Variants in SPTBN5 observed in about 807,000 individuals in gnomAD.
The protein encoded by SPTBN5 is spectrin beta chain, non-erythrocytic 5.
A neutral mutation model predicts 477.6 loss-of-function variants in SPTBN5; 513 were observed. The ratio of observed to expected loss-of-function variants is 1.07; its 90% confidence interval spans 1.00 to 1.16. The LOEUF (loss-of-function observed/expected upper bound fraction) is 1.16. Among genes scored for constraint, SPTBN5 ranks in the 50% most tolerant of loss-of-function variants. The probability of loss-of-function intolerance (pLI) is 0.00; values close to 1 mark genes in which losing one functional copy is unlikely to be tolerated. For synonymous variants in SPTBN5, 2,169 were observed against 2,011.7 expected (o/e 1.08, Z -2.09); for missense variants, 5,062 against 4,731.8 (o/e 1.07, Z -2.05).
Position 41,853,348 on chromosome 15 carries a change from C to A in SPTBN5, c.10080G>T (p.Gly3360=), listed in dbSNP as rs1178707117. Residue 3360 remains glycine, a synonymous_variant, in exon 59 of 68, where the codon GGG becomes GGT. Transcript: ENST00000320955. ...GAAGGCGGCACTCCCTGATTTCTTGCCCCAGCTCTTCATGCTGCCCAAGGA... is the reference window on the plus strand; with the variant it reads ...GAAGGCGGCACTCCCTGATTTCTTGACCCAGCTCTTCATGCTGCCCAAGGA... ...EQLLGQHEEL[G]QEIRECRLQA... 1 of 1,612,790 alleles carries A rather than the reference C, an allele frequency of 6.2e-7. No homozygotes were observed. The highest frequency in any genetic ancestry group is 1.1e-5 in the South Asian group (1 of 91,064).
intron 23 of SPTBN5, 120 bp from the exon 24 acceptor site, chr15:41,874,598 CA>C: frequency 1.0e-6 from 1 of 972,552 alleles, no homozygotes; most frequent in Non-Finnish European, 1.5e-6. Flanking sequence ...AGCAAAGCCT[CA>C]TCTGACAAAG....
At position 41,862,838 on chromosome 15, in the gene SPTBN5, T is replaced by C. The variant is rs1446453160; in HGVS notation, c.7215A>G (p.Lys2405=). 1.3e-6 allele frequency: 2 copies of C among 1,589,886 alleles called. No individual in the cohort carries two copies. Among genetic ancestry groups the C allele is most frequent in the African/African-American group, 2.7e-5 (2 of 74,396 alleles). ...GCACTTCCCGCTCCAGCTCCTCGTG[T>C]TTCCGCAGCAGCCTCTGCACGCTCT... ...DLESVQRLLR[K]HEELEREVHP... Residue 2405 remains lysine, a synonymous_variant, in exon 42 of 68, where the codon AAA becomes AAG. Transcript: ENST00000320955.
Position 41,863,741 on chromosome 15 carries a change from C to T in SPTBN5, c.7112G>A (p.Arg2371Gln), listed in dbSNP as rs753634857. ...CCTCTTGGTGACATTGTCCAGCTCT[C>T]GGGACAACACGTGTATCTCCAAGGC... Reference protein sequence around the residue: ...EGALEIHVLSRELDNVTKRIQ... With the variant: ...EGALEIHVLSQELDNVTKRIQ... Residue 2371 changes from arginine to glutamine, a missense_variant, in exon 41 of 68, where the codon CGA becomes CAA. Transcript: ENST00000320955. 15 of 1,613,558 alleles carry T rather than the reference C, an allele frequency of 9.3e-6. No homozygotes were observed. Among genetic ancestry groups the T allele is most frequent in the Admixed American group, 1.7e-5 (1 of 60,008 alleles).
At position 41,850,956 on chromosome 15, in the gene SPTBN5, C is replaced by G; in HGVS notation, c.10836-17G>C. On this transcript the variant is annotated splice_polypyrimidine_tract_variant and intron_variant, in intron 65 of 67. Coordinates refer to ENST00000320955, the MANE Select transcript of SPTBN5 (RefSeq NM_016642.4). ...CTGGTCAGCCTGGCACCCACAGTCA[C>G]AGGTCAAACTCCACTGTCCCTTTGG... 1 of 1,596,308 alleles carries G rather than the reference C, an allele frequency of 6.3e-7. No homozygotes were observed.
chr15:41,881,315 C>A, intron 12 of SPTBN5, 81 bp from the exon 13 acceptor site: 1 of 1,191,378 alleles, frequency 8.4e-7, no homozygotes, highest in Admixed American at 2.4e-5. Context: ...TACCTCCGTG[C>A]CCTGAGACCT....
Position 41,854,877 on chromosome 15 carries a change from C to G in SPTBN5, c.9523G>C (p.Gly3175Arg), listed in dbSNP as rs2065887054. The part of the protein sequence containing the change: ...LRKLAGTLER[G>R]APRRYPHIQA... The stretch of plus-strand genomic sequence containing the variant: ...ATGTGGGGATAGCGCCTGGGTGCAC[C>G]CCGCTCCAGGGTGCCTGCCAACTTC... Residue 3175 changes from glycine (G) to arginine (R), a missense_variant, in exon 56 of 68, where the codon GGT (glycine) becomes CGT (arginine). Coordinates refer to ENST00000320955, the MANE Select transcript of SPTBN5 (RefSeq NM_016642.4). 5 of 1,609,592 alleles carry G rather than the reference C, an allele frequency of 3.1e-6. No homozygotes were observed. Among genetic ancestry groups the G allele is most frequent in the Non-Finnish European group, 4.2e-6 (5 of 1,177,836 alleles).
At position 41,877,275 on chromosome 15, in the gene SPTBN5, C is replaced by A. The variant is rs373991113; in HGVS notation, c.3552G>T (p.Arg1184Ser). ...GCTCCTGGCCCTGCTGCCCCAGGAC[C>A]CTCAGAGTGTTGGGCACCTCTTGGG... ...PDSQEVPNTL[R>S]VLGQQGQELK... The change falls in exon 18 of 68, where the codon AGG becomes AGT. Residue 1184 changes from arginine (R) to serine (S), a missense_variant. Transcript: ENST00000320955. The A allele has an allele frequency of 3.7e-6, 6 of 1,613,824 alleles. No homozygotes were observed. Among genetic ancestry groups the A allele is most frequent in the Non-Finnish European group, 5.1e-6 (6 of 1,179,844 alleles).
intron 55 of SPTBN5, 72 bp from the exon 56 acceptor site, chr15:41,855,048 A>C: frequency 2.0e-6 from 3 of 1,476,108 alleles, no homozygotes; most frequent in South Asian, 1.4e-5. Flanking sequence ...TGAAGAGCTC[A>C]GCAGACTCTG....
chr15:41,851,674 C>G (rs909719493), intron 63 of SPTBN5, 105 bp downstream of exon 63: 2 of 861,012 alleles, frequency 2.3e-6, no homozygotes, highest in Admixed American at 4.5e-5. Context: ...GTGGCATCTG[C>G]CCAAGTTCAC....
Position 41,855,620 on chromosome 15 carries a change from T to A in SPTBN5, c.9147A>T (p.Glu3049Asp). 6.2e-7 allele frequency: 1 copy of A among 1,611,098 alleles called. No individual in the cohort carries two copies. Among genetic ancestry groups the A allele is most frequent in the Non-Finnish European group, 8.5e-7 (1 of 1,179,678 alleles). The change falls in exon 54 of 68, where the codon GAA becomes GAT. Residue 3049 changes from glutamate (E) to aspartate (D), a missense_variant. Coordinates refer to ENST00000320955, the MANE Select transcript of SPTBN5 (RefSeq NM_016642.4). Reference sequence around the variant, plus strand: ...GCCGCTCGATGCGTGGGCTGAACGCTTCCAGGTCTCTCTTGGTGGCCTCCA... The same window carrying A: ...GCCGCTCGATGCGTGGGCTGAACGCATCCAGGTCTCTCTTGGTGGCCTCCA... ...RRLEATKRDL[E>D]AFSPRIERLQ...
Position 41,866,842 on chromosome 15 carries a change from G to A in SPTBN5, c.6480+117C>T, listed in dbSNP as rs531826390. 18 of 1,318,758 alleles carry A rather than the reference G, an allele frequency of 1.4e-5. No individual in the cohort carries two copies. The South Asian group carries it at 2.7e-4, about 20-fold the overall frequency. 81.7% of individuals were successfully genotyped at this position (1,318,758 alleles called of 1,614,324 possible). On this transcript the variant is annotated intron_variant, in intron 36 of 67. Transcript: ENST00000320955. ...TGTTCTGGGCTCCAGCACAGCCTCT[G>A]GGAAAGCCATCCACCCCCGAACCTG...
intron 64 of SPTBN5, 24 bp from the exon 65 acceptor site, chr15:41,851,174 G>T (rs546099893): frequency 1.1e-5 from 18 of 1,606,962 alleles, no homozygotes; most frequent in East Asian, 4.5e-5. Context: ...AGAGGCAGGG[G>T]TCACTGCGGC....
chr15:41,884,436 C>G (rs927642474), intron 7 of SPTBN5, among the ~76,000 whole-genome samples: 2 of 152,118 alleles, frequency 1.3e-5, no homozygotes, highest in Non-Finnish European at 2.9e-5. Context: ...CTTGATAACT[C>G]ACTTTCTCAC....
intron 32 of SPTBN5, 82 bp downstream of exon 32, chr15:41,869,759 A>C: frequency 7.6e-7 from 1 of 1,318,796 alleles, no homozygotes. Context: ...CCGGAGCTGG[A>C]GGGCCTCATG....
chr15:41,861,478 C>T lies in SPTBN5; in HGVS notation c.7756G>A (p.Glu2586Lys). 2 of 1,613,594 alleles carry T rather than the reference C, an allele frequency of 1.2e-6. No homozygotes were observed. The highest frequency in any genetic ancestry group is 1.7e-6 in the Non-Finnish European group (2 of 1,179,888). ...CTGCAAAGCCAACGTTCCATCTTCTCCACTGAGCTCAGAAACAGCTGAGAA... is the reference window on the plus strand; with the variant it reads ...CTGCAAAGCCAACGTTCCATCTTCTTCACTGAGCTCAGAAACAGCTGAGAA... ...LELQLFLSSV[E>K]KMERWLCSKE... The change falls in exon 46 of 68, where the codon GAG becomes AAG. Residue 2586 changes from glutamate to lysine, a missense_variant. Physicochemically the swap from Glu to Lys is moderately conservative, Grantham distance 56. Transcript: ENST00000320955.
At position 41,866,427 on chromosome 15, in the gene SPTBN5, C is replaced by G; in HGVS notation, c.6547G>C (p.Asp2183His). ...TGTTTCAGCAGGGGCTTCAGCTTATCTCTCAGGTCCCCAGGAGGGACCGGC... is the reference window on the plus strand; with the variant it reads ...TGTTTCAGCAGGGGCTTCAGCTTATGTCTCAGGTCCCCAGGAGGGACCGGC... ...KEPVPPGDLR[D>H]KLKPLLKHQA... The change falls in exon 37 of 68, where the codon GAT (aspartate) becomes CAT (histidine). Residue 2183 changes from aspartate (D) to histidine (H), a missense_variant. Transcript: ENST00000320955. 6.2e-7 allele frequency: 1 copy of G among 1,611,138 alleles called. No homozygotes were observed. Among genetic ancestry groups the G allele is most frequent in the Non-Finnish European group, 8.5e-7 (1 of 1,178,642 alleles).
Position 41,866,995 on chromosome 15 carries a change from G to C in SPTBN5, c.6444C>G (p.Ser2148=). 6.4e-7 allele frequency: 1 copy of C among 1,569,838 alleles called. No homozygotes were observed. Among genetic ancestry groups the C allele is most frequent in the Non-Finnish European group, 8.6e-7 (1 of 1,157,854 alleles). Residue 2148 remains serine (S), a synonymous_variant, in exon 36 of 68, where the codon TCC becomes TCG. Transcript: ENST00000320955. The part of the protein sequence containing the change: ...AESRGHALHA[S]LLMASFTQAA... ...CCTGGGTGAAGCTGGCCATCAGCAGGGAGGCATGCAGGGCGTGTCCCCGGC... is the reference window on the plus strand; with the variant it reads ...CCTGGGTGAAGCTGGCCATCAGCAGCGAGGCATGCAGGGCGTGTCCCCGGC...
intron 23 of SPTBN5, 34 bp downstream of exon 23, chr15:41,874,808 G>A (rs764148313): frequency 1.3e-6 from 2 of 1,577,814 alleles, no homozygotes; most frequent in Non-Finnish European, 1.7e-6. Context: ...ACATGGAGGA[G>A]TGACACACAG....
At position 41,848,535 on chromosome 15, in the gene SPTBN5, C is replaced by G. The variant is rs571810260; in HGVS notation, c.*81G>C. On this transcript the variant is annotated 3_prime_UTR_variant, in exon 68 of 68. Coordinates refer to ENST00000320955, the MANE Select transcript of SPTBN5 (RefSeq NM_016642.4). ...GCAGCCACGGGAAGGAGCCCTTTTG[C>G]CTGTAGCTGAGTCTTATTCTGGTCC... is the stretch of plus-strand genomic sequence containing the variant. The G allele has an allele frequency of 9.0e-6, 14 of 1,557,822 alleles. No individual in the cohort carries two copies. The highest frequency in any genetic ancestry group is 5.0e-5 in the Admixed American group (3 of 59,938).
Sources: gnomAD v4.1 joint callset for allele counts (sites outside exome capture counted in the v4.1 genomes callset) on GRCh38, gnomAD v4.1.1 for gene constraint, MANE v1.5 for transcripts, NCBI Gene and HGNC (gene_info 2026-07-23, HGNC 2026-07-21) for gene names.